The following PCDHGB3 variants were observed in gnomAD, a reference collection of about 807,000 sequenced individuals.
The protein encoded by PCDHGB3 is protocadherin gamma-B3.
Under a neutral mutation model 59.2 loss-of-function variants are expected in PCDHGB3, and 40 were observed. That is an observed-to-expected ratio of 0.68 (90% confidence interval 0.52 to 0.88). The LOEUF (loss-of-function observed/expected upper bound fraction) is 0.88, where lower values mean the gene tolerates loss of function less well. PCDHGB3 is among the 40% of genes least tolerant of loss of function. The probability of loss-of-function intolerance (pLI) is 0.00; values close to 1 mark genes in which losing one functional copy is unlikely to be tolerated. For synonymous variants in PCDHGB3, 581 were observed against 503.6 expected (o/e 1.15, Z -2.06); for missense variants, 1,309 against 1,187.9 (o/e 1.10, Z -1.50).
At chr5:141,454,931 C>T (rs2154564856) in intron 1 of PCDHGB3, among the ~76,000 whole-genome samples, 2 of 151,066 alleles carry the variant, frequency 1.3e-5, no homozygotes, top group South Asian at 4.2e-4. Context: ...CCTCAGCCTC[C>T]CGAGTAGCTG....
At position 141,372,612 on chromosome 5, in the gene PCDHGB3, C is replaced by G; in HGVS notation, c.2218C>G (p.Leu740Val). The stretch of plus-strand genomic sequence containing the variant: ...CTGCTTCAAGACTGTACCTGGAGTT[C>G]TCCCCACCTACAGCGAAAGGACTTT... ...GVCFKTVPGV[L>V]PTYSERTLPY... The change falls in exon 1 of 4, where the codon CTC (leucine) becomes GTC (valine). Residue 740 changes from leucine to valine, a missense_variant. Transcript: ENST00000576222. 6.2e-7 allele frequency: 1 copy of G among 1,614,004 alleles called. No homozygotes were observed. Among genetic ancestry groups the G allele is most frequent in the Non-Finnish European group, 8.5e-7 (1 of 1,179,844 alleles).
chr5:141,385,518 A>G, intron 1 of PCDHGB3: 20 of 1,366,294 alleles, frequency 1.5e-5, no homozygotes, highest in East Asian at 5.4e-5. Context: ...GTGAAAGCCT[A>G]TGGACAAGAT....
rs1470036501 is a variant in PCDHGB3 at position 141,371,513 on chromosome 5, T to C, written c.1119T>C (p.Asp373=). ...GTAVALIKTH[D]LDSGFNGEIL... ...CCGTTGCCCTGATCAAAACACATGA[T>C]CTAGATTCTGGATTTAATGGAGAAA... The change falls in exon 1 of 4, where the codon GAT becomes GAC. Residue 373 remains aspartate (D), a synonymous_variant. Transcript: ENST00000576222. The C allele has an allele frequency of 3.1e-6, 5 of 1,613,818 alleles. No homozygotes were observed. Among genetic ancestry groups the C allele is most frequent in the Non-Finnish European group, 4.2e-6 (5 of 1,179,840 alleles).
At chr5:141,413,198 C>T in intron 1 of PCDHGB3, 5 of 1,611,416 alleles carry the variant, frequency 3.1e-6, no homozygotes, top group Non-Finnish European at 2.5e-6. Flanking sequence ...AGGAATCGCT[C>T]AAAGGAATCA....
chr5:141,436,240 G>T (rs192988618), intron 1 of PCDHGB3, among the ~76,000 whole-genome samples: 1 of 152,082 alleles, frequency 6.6e-6, no homozygotes. Context: ...AGCTAACATG[G>T]TCTAATTATT....
chr5:141,405,050 G>T, intron 1 of PCDHGB3: 1 of 1,613,866 alleles, frequency 6.2e-7, no homozygotes, highest in South Asian at 1.1e-5. Flanking sequence ...TGTGGCAGTC[G>T]TCTCCTGTGT....
chr5:141,449,160 T>G (rs6867451), intron 1 of PCDHGB3, among the ~76,000 whole-genome samples: 8,161 of 152,140 alleles, frequency 0.054, 458 homozygotes, highest in African/African-American at 0.15. Context: ...AAAGAGGAAA[T>G]AGGTGTAATT....
In PCDHGB3 at chr5:141,371,345, T is replaced by C. The variant is rs1417902000; in HGVS notation, c.951T>C (p.Ile317=). ...TTGAAGAGAGAGATAGCTACACAATTGGGGTGGAAGCAAAGGATGGTGGAC... is the reference window on the plus strand; with the variant it reads ...TTGAAGAGAGAGATAGCTACACAATCGGGGTGGAAGCAAAGGATGGTGGAC... The part of the protein sequence containing the change: ...LDFEERDSYT[I]GVEAKDGGHH... The change falls in exon 1 of 4, where the codon ATT becomes ATC. Residue 317 remains isoleucine (I), a synonymous_variant. Transcript: ENST00000576222. The C allele has an allele frequency of 1.2e-6, 2 of 1,613,878 alleles. No homozygotes were observed. Among genetic ancestry groups the C allele is most frequent in the Admixed American group, 1.7e-5 (1 of 60,026 alleles).
intron 1 of PCDHGB3, chr5:141,378,709 C>T (rs1358072601): frequency 6.6e-6 from 1 of 152,094 alleles, no homozygotes; most frequent in Non-Finnish European, 1.5e-5. Context: ...ATAAGGCTTT[C>T]ATCATATAGG....
At chr5:141,509,872 G>A (rs968745661) in intron 3 of PCDHGB3, among the ~76,000 whole-genome samples, 1 of 152,166 alleles carries the variant, frequency 6.6e-6, no homozygotes, top group Non-Finnish European at 1.5e-5. Context: ...CCAAGCTGCT[G>A]GTGGTGATGG....
At chr5:141,444,434 G>A (rs761353277) in intron 1 of PCDHGB3, among the ~76,000 whole-genome samples, 16 of 152,196 alleles carry the variant, frequency 1.1e-4, no homozygotes, top group Admixed American at 7.2e-4. Flanking sequence ...GCCTCCCAAA[G>A]TGCTGGGATT....
At chr5:141,374,865 T>C (rs759726307) in intron 1 of PCDHGB3, 2 of 1,613,676 alleles carry the variant, frequency 1.2e-6, no homozygotes, top group African/African-American at 1.3e-5. Flanking sequence ...GGCACACCAG[T>C]GTTGGCAGTG....
At chr5:141,417,993 C>A in intron 1 of PCDHGB3, 1 of 1,613,830 alleles carries the variant, frequency 6.2e-7, no homozygotes, top group Non-Finnish European at 8.5e-7. Flanking sequence ...GCCAAGGGCT[C>A]GGTGGTGGGG....
chr5:141,409,495 T>C (rs777919409), intron 1 of PCDHGB3: 5 of 1,613,862 alleles, frequency 3.1e-6, no homozygotes, highest in Non-Finnish European at 4.2e-6. Context: ...GCAAGCCGCC[T>C]CTTTCTTCCA....
chr5:141,405,419 T>C, intron 1 of PCDHGB3: 7 of 1,509,010 alleles, frequency 4.6e-6, no homozygotes, highest in Non-Finnish European at 5.4e-6. Flanking sequence ...TTTTTTGTTT[T>C]TTGTTTTGTT....
At chr5:141,436,467 A>G (rs2097825090) in intron 1 of PCDHGB3, among the ~76,000 whole-genome samples, 1 of 152,216 alleles carries the variant, frequency 6.6e-6, no homozygotes, top group South Asian at 2.1e-4. Flanking sequence ...GAATTTTCAG[A>G]TGTATCATAG....
intron 1 of PCDHGB3, among the ~76,000 whole-genome samples, chr5:141,434,467 T>C (rs1397980716): frequency 6.6e-6 from 1 of 152,226 alleles, no homozygotes; most frequent in Non-Finnish European, 1.5e-5. Flanking sequence ...TTTACCGGAA[T>C]GAGGGCAAGG....
At chr5:141,433,004 T>G (rs368646186) in intron 1 of PCDHGB3, 48 of 1,614,028 alleles carry the variant, frequency 3.0e-5, no homozygotes, top group Non-Finnish European at 3.4e-5. Context: ...GGTGCAGGCT[T>G]TCCTGCAGAC....
At chr5:141,427,929 T>A in intron 1 of PCDHGB3, 1 of 1,582,776 alleles carries the variant, frequency 6.3e-7, no homozygotes, top group South Asian at 1.1e-5. Flanking sequence ...CCGGCGCATG[T>A]TGGTGGGCGA....
Sources: gnomAD v4.1 joint callset for allele counts (sites outside exome capture counted in the v4.1 genomes callset) on GRCh38, gnomAD v4.1.1 for gene constraint, MANE v1.5 for transcripts, NCBI Gene and HGNC (gene_info 2026-07-23, HGNC 2026-07-21) for gene names.